The following KRI1 variants were observed in gnomAD, a reference collection of about 807,000 sequenced individuals.
KRI1 encodes KRI1 homolog.
Under a neutral mutation model 97.0 loss-of-function variants are expected in KRI1, and 83 were observed. The ratio of observed to expected loss-of-function variants is 0.86; its 90% CI spans 0.72 to 1.03. The LOEUF (loss-of-function observed/expected upper bound fraction) is 1.03. Ranked by LOEUF, KRI1 falls within the 50% of genes least tolerant of loss-of-function variation. The probability of loss-of-function intolerance (pLI) is 0.00; values close to 1 mark genes in which losing one functional copy is unlikely to be tolerated. For synonymous variants in KRI1, 371 were observed against 363.5 expected, an observed-to-expected ratio of 1.02 and a Z score of -0.23; for missense variants, 916 against 928.4, an observed-to-expected ratio of 0.99 and a Z score of 0.17.
Position 10,559,351 on chromosome 19 carries a change from G to A in KRI1, c.1194+8C>T. On this transcript the variant is annotated splice_region_variant and intron_variant, in intron 12 of 18. Coordinates refer to ENST00000312962, the MANE Select transcript of KRI1 (RefSeq NM_023008.5). Reference sequence around the variant, plus strand: ...CAGCGTCATGTTGGGCCGGGATGAGGGCCGCACCTGCATGAGCTGGTCGTG... The same window carrying A: ...CAGCGTCATGTTGGGCCGGGATGAGAGCCGCACCTGCATGAGCTGGTCGTG... 6.2e-7 allele frequency: 1 copy of A among 1,612,170 alleles called. No individual in the cohort carries two copies. The highest frequency in any genetic ancestry group is 8.5e-7 in the Non-Finnish European group (1 of 1,178,668).
chr19:10,560,367 A>G lies in KRI1; in HGVS notation c.745T>C (p.Tyr249His). ...FLRDYILNKR[Y>H]EEEEEEEEDE... Reference sequence around the variant, plus strand: ...TCCTCCTCCTCTTCCTCCTCCTCATAGCGTTTGTTGAGGATGTAATCCCGC... The same window carrying G: ...TCCTCCTCCTCTTCCTCCTCCTCATGGCGTTTGTTGAGGATGTAATCCCGC... The change falls in exon 9 of 19, where the codon TAT (tyrosine) becomes CAT (histidine). Residue 249 changes from tyrosine (Y) to histidine (H), a missense_variant. By Grantham distance (83) the Tyr-to-His change is moderately conservative. Transcript: ENST00000312962. 1 of 1,612,574 alleles carries G rather than the reference A, an allele frequency of 6.2e-7. No homozygotes were observed. Among genetic ancestry groups the G allele is most frequent in the Non-Finnish European group, 8.5e-7 (1 of 1,179,556 alleles).
At chr19:10,562,511 A>T in intron 4 of KRI1, among the ~76,000 whole-genome samples, 1 of 150,272 alleles carries the variant, frequency 6.7e-6, no homozygotes, top group Admixed American at 6.7e-5. Flanking sequence ...GCTAATTTTT[A>T]ATTTTTTTGT....
intron 2 of KRI1, 193 bp downstream of exon 2, chr19:10,565,524 G>A (rs62128852): frequency 4.4e-5 from 30 of 681,294 alleles, no homozygotes; most frequent in Non-Finnish European, 5.6e-5. Context: ...GCAGGGGAGA[G>A]AAAATAACGG....
Position 10,561,678 on chromosome 19 carries a change from C to T in KRI1, c.477G>A (p.Gln159=), listed in dbSNP as rs1162814784. ...CCACCCAGCCTCACCTTTCCTTGAG[C>T]TGTTTCTGTTCCTCCACATAACTTT... The part of the protein sequence containing the change: ...SSQSYVEEQK[Q]LKESFRAFVE... Residue 159 remains glutamine, a synonymous_variant, in exon 6 of 19, where the codon CAG becomes CAA. Transcript: ENST00000312962. The T allele has an allele frequency of 1.2e-6, 2 of 1,613,874 alleles. No homozygotes were observed. Among genetic ancestry groups the T allele is most frequent in the Non-Finnish European group, 1.7e-6 (2 of 1,179,946 alleles).
chr19:10,559,431 G>C lies in KRI1; in HGVS notation c.1122C>G (p.Asn374Lys). 1 of 1,614,110 alleles carries C rather than the reference G, an allele frequency of 6.2e-7. No homozygotes were observed. Among genetic ancestry groups the C allele is most frequent in the Non-Finnish European group, 8.5e-7 (1 of 1,180,040 alleles). ...KLEKLRKVTG[N>K]EMLGLEEGDL... ...CCCCCTCCTCGAGGCCCAGCATCTCGTTGCCTGTTACTTTCCGCAGCTTCT... is the reference window on the plus strand; with the variant it reads ...CCCCCTCCTCGAGGCCCAGCATCTCCTTGCCTGTTACTTTCCGCAGCTTCT... Residue 374 changes from asparagine (N) to lysine (K), a missense_variant, in exon 12 of 19, where the codon AAC (asparagine) becomes AAG (lysine). Asn to Lys is a moderately conservative substitution (Grantham distance 94, BLOSUM62 0). Coordinates refer to ENST00000312962, the MANE Select transcript of KRI1 (RefSeq NM_023008.5).
intron 7 of KRI1, 34 bp from the exon 8 acceptor site, chr19:10,561,114 G>C (rs1568423379): frequency 6.2e-7 from 1 of 1,612,318 alleles, no homozygotes; most frequent in Admixed American, 1.7e-5. Flanking sequence ...ATCCGCAGAT[G>C]CCCAGCCACC....
intron 12 of KRI1, among the ~76,000 whole-genome samples, 192 bp downstream of exon 12, chr19:10,559,167 G>A (rs566605257): frequency 6.6e-6 from 1 of 152,018 alleles, no homozygotes; most frequent in African/African-American, 2.4e-5. Flanking sequence ...ACCACACCTG[G>A]CTAATTTTTG....
At position 10,555,362 on chromosome 19, in the gene KRI1, G is replaced by C. The variant is rs771196838; in HGVS notation, c.1618-13C>G. The stretch of plus-strand genomic sequence containing the variant: ...CAGCAGCGAGGATCTGCGTGGGAAG[G>C]GAGAGTGGGGACCTGCTGTGATATT... On this transcript the variant is annotated splice_polypyrimidine_tract_variant and intron_variant, in intron 16 of 18. Transcript: ENST00000312962. 1.2e-6 allele frequency: 2 copies of C among 1,609,384 alleles called. No homozygotes were observed. Among genetic ancestry groups the C allele is most frequent in the African/African-American group, 1.3e-5 (1 of 74,238 alleles).
intron 12 of KRI1, 32 bp from the exon 13 acceptor site, chr19:10,558,271 C>T: frequency 6.2e-7 from 1 of 1,608,104 alleles, no homozygotes; most frequent in Non-Finnish European, 8.5e-7. Context: ...TTACCAGAGC[C>T]CACTCGAGAC....
Position 10,559,904 on chromosome 19 carries a change from T to C in KRI1, c.833A>G (p.Asp278Gly), listed in dbSNP as rs1916641006. The C allele has an allele frequency of 6.2e-7, 1 of 1,612,824 alleles. No individual in the cohort carries two copies. The highest frequency in any genetic ancestry group is 8.5e-7 in the Non-Finnish European group (1 of 1,179,984). The change falls in exon 10 of 19, where the codon GAC (aspartate) becomes GGC (glycine). Residue 278 changes from aspartate to glycine, a missense_variant. By Grantham distance (94) the Asp-to-Gly change is moderately conservative. Transcript: ENST00000312962. ...CAGCTCCCCTTCGTCTGAGGAGTCG[T>C]CCACAGCCAGCTGGACTGGGGGACC... is the stretch of plus-strand genomic sequence containing the variant. The part of the protein sequence containing the change: ...VHGPPVQLAV[D>G]DSSDEGELFL...
chr19:10,565,652 G>C (rs538123860), intron 2 of KRI1, 65 bp downstream of exon 2: 33 of 1,499,440 alleles, frequency 2.2e-5, no homozygotes, highest in Non-Finnish European at 2.8e-5. Flanking sequence ...CGTCTACATC[G>C]GGGTCGGGGT....
At position 10,559,635 on chromosome 19, in the gene KRI1, T is replaced by A; in HGVS notation, c.1001A>T (p.Glu334Val). 6.2e-7 allele frequency: 1 copy of A among 1,614,048 alleles called. No homozygotes were observed. Among genetic ancestry groups the A allele is most frequent in the South Asian group, 1.1e-5 (1 of 91,084 alleles). The part of the protein sequence containing the change: ...KDERRKEKRE[E>V]TRERKKREKA... ...CACCCTCTTCTTTCGCTCCCGAGTC[T>A]CTTCCCTCTTCTCCTTTCTGCGCTC... The change falls in exon 11 of 19, where the codon GAG becomes GTG. Residue 334 changes from glutamate (E) to valine (V), a missense_variant. Around this residue, in one of 3 missense-constraint regions of KRI1, gnomAD observed 672 missense variants for 667.2 expected, o/e 1.01. Coordinates refer to ENST00000312962, the MANE Select transcript of KRI1 (RefSeq NM_023008.5).
chr19:10,559,506 C>A lies in KRI1; in HGVS notation c.1047G>T (p.Glu349Asp). Residue 349 changes from glutamate (E) to aspartate (D), a missense_variant, in exon 12 of 19, where the codon GAG becomes GAT. This residue lies in a region of KRI1 where 672 missense variants were observed against 667.2 expected (regional missense o/e 1.01). Coordinates refer to ENST00000312962, the MANE Select transcript of KRI1 (RefSeq NM_023008.5). ...KKREKAKKQE[E>D]LKQLKNLKRK... ...TCTTCAGGTTCTTCAGCTGCTTGAG[C>A]TCTTCCTGCTTCTTTGCTTTCTCCT... is the stretch of plus-strand genomic sequence containing the variant. 6.2e-7 allele frequency: 1 copy of A among 1,614,064 alleles called. No homozygotes were observed. Among genetic ancestry groups the A allele is most frequent in the Non-Finnish European group, 8.5e-7 (1 of 1,180,002 alleles).
Position 10,565,571 on chromosome 19 carries a change from T to G in KRI1, c.168+146A>C. The G allele has an allele frequency of 2.9e-6, 3 of 1,046,360 alleles. No homozygotes were observed. The South Asian group carries it at 4.9e-5, about 17-fold the overall frequency. 64.8% of individuals were successfully genotyped at this position (1,046,360 alleles called of 1,614,324 possible). ...CCCTGGGGAGAGGGGGGGCACTGTC[T>G]GTCCCTCATGGGATGGGGAGCGGAG... On this transcript the variant is annotated intron_variant, in intron 2 of 18. Coordinates refer to ENST00000312962, the MANE Select transcript of KRI1 (RefSeq NM_023008.5).
chr19:10,565,880 C>G, intron 1 of KRI1, 26 bp downstream of exon 1: 1 of 1,533,670 alleles, frequency 6.5e-7, no homozygotes, highest in Non-Finnish European at 8.8e-7. Flanking sequence ...CGCGCAGGCT[C>G]CCGCGCGCAT....
intron 6 of KRI1, 77 bp from the exon 7 acceptor site, chr19:10,561,342 T>C: frequency 7.4e-7 from 1 of 1,344,128 alleles, no homozygotes; most frequent in Admixed American, 1.8e-5. Flanking sequence ...TTTTATTTTG[T>C]AGAGCTGGGG....
intron 7 of KRI1, 27 bp from the exon 8 acceptor site, chr19:10,561,107 C>T (rs1177570993): frequency 7.4e-6 from 12 of 1,611,026 alleles, no homozygotes; most frequent in Admixed American, 6.7e-5. Flanking sequence ...ACTGAGCATC[C>T]GCAGATGCCC....
chr19:10,554,173 T>G lies in KRI1; in HGVS notation c.1890A>C (p.Pro630=). 1 of 1,613,804 alleles carries G rather than the reference T, an allele frequency of 6.2e-7. No homozygotes were observed. Residue 630 remains proline, a synonymous_variant, in exon 19 of 19, where the codon CCA becomes CCC. Coordinates refer to ENST00000312962, the MANE Select transcript of KRI1 (RefSeq NM_023008.5). The part of the protein sequence containing the change: ...DGSLMGPESP[P]AQEEEAPVSP... The stretch of plus-strand genomic sequence containing the variant: ...ATACAGGGGCTTCCTCTTCCTGTGC[T>G]GGGGGACTCTCCGGCCCCATCAAGC...
chr19:10,555,364 A>G lies in KRI1; in HGVS notation c.1618-15T>C, dbSNP rs1416122977. 1.2e-6 allele frequency: 2 copies of G among 1,613,856 alleles called. No homozygotes were observed. Among genetic ancestry groups the G allele is most frequent in the Non-Finnish European group, 1.7e-6 (2 of 1,179,982 alleles). On this transcript the variant is annotated splice_polypyrimidine_tract_variant and intron_variant, in intron 16 of 18. Transcript: ENST00000312962. Reference sequence around the variant, plus strand: ...GCAGCGAGGATCTGCGTGGGAAGGGAGAGTGGGGACCTGCTGTGATATTGC... The same window carrying G: ...GCAGCGAGGATCTGCGTGGGAAGGGGGAGTGGGGACCTGCTGTGATATTGC...
Sources: allele counts gnomAD v4.1 joint callset (sites outside exome capture counted in the v4.1 genomes callset), GRCh38; gene constraint gnomAD v4.1.1; regional missense constraint gnomAD v4.1.1; transcripts MANE v1.5; gene names NCBI Gene and HGNC (gene_info 2026-07-23, HGNC 2026-07-21).